ZNF567: variants seen among roughly 807,000 people sequenced by gnomAD.
ZNF567 encodes the protein zinc finger protein 567.
ZNF567 carries 36 observed loss-of-function variants against 53.9 expected under a neutral mutation model. That is an observed-to-expected ratio of 0.67 (90% confidence interval 0.51 to 0.88). The LOEUF is 0.88. ZNF567 is among the 40% of genes least tolerant of loss of function. The probability of loss-of-function intolerance (pLI) is 0.00; values close to 1 mark genes in which losing one functional copy is unlikely to be tolerated. For missense variants in ZNF567, 619 were observed against 764.7 expected (o/e 0.81, Z 2.25); for synonymous variants, 224 against 260.4 (o/e 0.86, Z 1.35).
At chr19:36,667,064 C>T in the ZNF567 span, among the ~76,000 whole-genome samples, 1 of 152,154 alleles carries the variant, frequency 6.6e-6, no homozygotes, top group Non-Finnish European at 1.5e-5. Flanking sequence ...AGGCGGCCTC[C>T]GCGGGCTGTG....
chr19:36,709,937 C>A (rs1438318423), intron 3 of ZNF567, among the ~76,000 whole-genome samples: 4 of 152,110 alleles, frequency 2.6e-5, no homozygotes, highest in Non-Finnish European at 5.9e-5. Context: ...GGTGTTTATC[C>A]TTTTAGGGTT....
rs142279718 is a variant in ZNF567, at chr19:36,696,104, A to G, written c.9+1228A>G. 1.6e-4 allele frequency among the ~76,000 whole-genome samples: 24 copies of G among 152,288 alleles called. No individual in the cohort carries two copies. The East Asian group carries it at 4.2e-3, about 27-fold the overall frequency. On this transcript the variant is annotated intron_variant, in intron 3 of 5. Transcript: ENST00000682579. ...TTAATTGTATTCTAGATTTATTTCTATTTTCACATTTCTTCCAATTTTATG... is the reference window on the plus strand; with the variant it reads ...TTAATTGTATTCTAGATTTATTTCTGTTTTCACATTTCTTCCAATTTTATG...
Position 36,720,254 on chromosome 19 carries a change from T to A in ZNF567, c.1530T>A (p.Cys510Ter). ...TGEKPYECNE[C>*]GKSFSQKTNL... ...AGAAACCATATGAATGTAATGAATG[T>A]GGTAAATCATTCAGTCAAAAGACAA... Residue 510 changes from cysteine (C) to a stop codon, truncating the protein, a stop_gained, in exon 6 of 6, where the codon TGT becomes TGA. Coordinates refer to ENST00000682579, the MANE Select transcript of ZNF567 (RefSeq NM_001322917.1). LOFTEE classifies it high-confidence loss of function. 6.2e-7 allele frequency: 1 copy of A among 1,614,058 alleles called. No homozygotes were observed. Among genetic ancestry groups the A allele is most frequent in the East Asian group, 2.2e-5 (1 of 44,864 alleles).
At chr19:36,674,018 G>A in the ZNF567 span, among the ~76,000 whole-genome samples, 1 of 152,084 alleles carries the variant, frequency 6.6e-6, no homozygotes, top group East Asian at 1.9e-4. Context: ...CCTGATGAGT[G>A]CCAACTAATT....
Position 36,687,646 on chromosome 19 carries a change from G to C in ZNF567, c.-168+12G>C, listed in dbSNP as rs1204588515. The stretch of plus-strand genomic sequence containing the variant: ...GCCGGCAACCGAAGGTGAGGCTGGT[G>C]GGTCCCGCGGGCGCGGAGAAGGCGG... On this transcript the variant is annotated intron_variant, in intron 1 of 5. Coordinates refer to ENST00000682579, the MANE Select transcript of ZNF567 (RefSeq NM_001322917.1). 1.3e-5 allele frequency: 2 copies of C among 152,528 alleles called. No individual in the cohort carries two copies. The highest frequency in any genetic ancestry group is 2.9e-5 in the Non-Finnish European group (2 of 68,272). 9.4% of individuals were successfully genotyped at this position (152,528 alleles called of 1,614,324 possible).
intron 3 of ZNF567, among the ~76,000 whole-genome samples, chr19:36,710,561 G>A (rs1260597538): frequency 2.0e-5 from 3 of 152,104 alleles, no homozygotes; most frequent in Non-Finnish European, 4.4e-5. Flanking sequence ...TTCCTGCTCA[G>A]TGTAAAGCAG....
intron 5 of ZNF567, among the ~76,000 whole-genome samples, chr19:36,717,800 T>C (rs182880661): frequency 7.2e-5 from 11 of 152,314 alleles, no homozygotes; most frequent in Non-Finnish European, 1.2e-4. Flanking sequence ...TTGAAATTGG[T>C]ATTCTGATCT....
the ZNF567 span, among the ~76,000 whole-genome samples, chr19:36,677,248 A>G: frequency 6.7e-6 from 1 of 149,024 alleles, no homozygotes; most frequent in African/African-American, 2.5e-5. Context: ...TCACGAGGTC[A>G]GGAGTTCGAG....
intron 3 of ZNF567, among the ~76,000 whole-genome samples, chr19:36,695,174 A>C (rs2038817470): frequency 6.6e-6 from 1 of 151,414 alleles, no homozygotes. Flanking sequence ...CGAGTCCAGG[A>C]GTTCAAGACC....
At chr19:36,689,938 G>C (rs2038512283) in intron 2 of ZNF567, among the ~76,000 whole-genome samples, 1 of 152,112 alleles carries the variant, frequency 6.6e-6, no homozygotes, top group Non-Finnish European at 1.5e-5. Context: ...TCCTCTCTCA[G>C]CCTCTCCACT....
At chr19:36,697,531 C>A (rs2038946665) in intron 3 of ZNF567, among the ~76,000 whole-genome samples, 1 of 151,682 alleles carries the variant, frequency 6.6e-6, no homozygotes, top group Non-Finnish European at 1.5e-5. Context: ...AACAGACTTT[C>A]TTGTCTTGTG....
At chr19:36,679,428 G>A in the ZNF567 span, among the ~76,000 whole-genome samples, 4 of 152,122 alleles carry the variant, frequency 2.6e-5, no homozygotes, top group African/African-American at 9.6e-5. Flanking sequence ...GCCATTTTGG[G>A]AAACAGTGTA....
chr19:36,678,177 G>A, the ZNF567 span, among the ~76,000 whole-genome samples: 1 of 152,202 alleles, frequency 6.6e-6, no homozygotes, highest in Non-Finnish European at 1.5e-5. Flanking sequence ...CAGCTGATAT[G>A]AAGAGTCAAA....
the ZNF567 span, among the ~76,000 whole-genome samples, chr19:36,677,538 G>C: frequency 6.6e-6 from 1 of 150,828 alleles, no homozygotes; most frequent in African/African-American, 2.4e-5. Flanking sequence ...AGGCCGAGGC[G>C]GGTGGATCAC....
At chr19:36,681,681 T>G in the ZNF567 span, among the ~76,000 whole-genome samples, 1 of 152,082 alleles carries the variant, frequency 6.6e-6, no homozygotes, top group African/African-American at 2.4e-5. Context: ...TGGCCCACCT[T>G]GTCCTCCCAA....
the ZNF567 span, among the ~76,000 whole-genome samples, chr19:36,681,508 C>T: frequency 1.3e-5 from 2 of 152,156 alleles, no homozygotes; most frequent in African/African-American, 2.4e-5. Context: ...CGGCTCACTA[C>T]AGCCTTGACT....
At chr19:36,687,935 A>G (rs530506566) in intron 1 of ZNF567, among the ~76,000 whole-genome samples, 1 of 152,132 alleles carries the variant, frequency 6.6e-6, no homozygotes, top group African/African-American at 2.4e-5. Context: ...CTCCTGGAGC[A>G]CGGCCTGGCA....
At chr19:36,690,154 A>G (rs2042243591) in intron 2 of ZNF567, among the ~76,000 whole-genome samples, 1 of 152,232 alleles carries the variant, frequency 6.6e-6, no homozygotes, top group Non-Finnish European at 1.5e-5. Flanking sequence ...GTTGTTGGAA[A>G]AAACATTAAC....
chr19:36,720,457 A>T lies in ZNF567; in HGVS notation c.1733A>T (p.His578Leu). ...KAFSRKSYLI[H>L]HQRTHTGEKP... ...TTTAGCAGGAAGTCATATCTCATTC[A>T]TCATCAAAGAACTCATACGGGAGAG... is the stretch of plus-strand genomic sequence containing the variant. The change falls in exon 6 of 6, where the codon CAT becomes CTT. Residue 578 changes from histidine (H) to leucine (L), a missense_variant. His to Leu is a moderately conservative substitution (Grantham distance 99, BLOSUM62 -3). Transcript: ENST00000682579. 1.2e-6 allele frequency: 2 copies of T among 1,613,696 alleles called. No individual in the cohort carries two copies. Among genetic ancestry groups the T allele is most frequent in the Non-Finnish European group, 1.7e-6 (2 of 1,179,892 alleles).
Sources: gnomAD v4.1 joint callset for allele counts (sites outside exome capture counted in the v4.1 genomes callset) on GRCh38, gnomAD v4.1.1 for gene constraint, MANE v1.5 for transcripts, NCBI Gene and HGNC (gene_info 2026-07-23, HGNC 2026-07-21) for gene names.